NELL1: variants seen among roughly 807,000 people sequenced by gnomAD.
The protein encoded by NELL1 is neural EGFL like 1.
A neutral mutation model predicts 107.4 loss-of-function variants in NELL1; 76 were observed. The observed-to-expected ratio is 0.71, with a 90% CI of 0.59 to 0.86. The LOEUF is 0.86. Among genes scored for constraint, NELL1 ranks in the 40% least tolerant of loss-of-function variants. The pLI, the probability that NELL1 is intolerant of heterozygous loss-of-function variation, is 0.00. For missense variants in NELL1, 1,024 were observed against 1,005.5 expected (o/e 1.02, Z -0.25); for synonymous variants, 353 against 341.2 (o/e 1.03, Z -0.38).
At chr11:20,978,392 G>T (rs967073404) in intron 12 of NELL1, among the ~76,000 whole-genome samples, 2 of 151,818 alleles carry the variant, frequency 1.3e-5, no homozygotes, top group Admixed American at 1.3e-4. Flanking sequence ...ATAAATAAAT[G>T]ACATGCCTTC....
intron 13 of NELL1, among the ~76,000 whole-genome samples, chr11:21,133,164 G>A (rs1435025281): frequency 6.6e-6 from 1 of 152,114 alleles, no homozygotes; most frequent in Non-Finnish European, 1.5e-5. Context: ...CCTCAGGCAG[G>A]TCATCTTGAT....
At position 21,528,630 on chromosome 11, in the gene NELL1, T is replaced by G. The variant is rs530790344; in HGVS notation, c.1646-5744T>G. 2.7e-5 allele frequency among the ~76,000 whole-genome samples: 4 copies of G among 150,606 alleles called. No individual in the cohort carries two copies. In the East Asian group the frequency reaches 7.9e-4, roughly 30 times the overall value. ...GGATCATGAGCAAAATAAATCTTTT[T>G]TCTTCATAAATTACTCAATCTCAGG... On this transcript the variant is annotated intron_variant, in intron 15 of 19. Coordinates refer to ENST00000357134, the MANE Select transcript of NELL1 (RefSeq NM_006157.5).
intron 3 of NELL1, among the ~76,000 whole-genome samples, chr11:20,805,077 T>A (rs760233477): frequency 2.0e-5 from 3 of 152,232 alleles, no homozygotes; most frequent in Non-Finnish European, 4.4e-5. Context: ...TTATCTGATA[T>A]AACTATAGCT....
At chr11:21,524,915 A>G (rs1202567615) in intron 15 of NELL1, among the ~76,000 whole-genome samples, 1 of 152,170 alleles carries the variant, frequency 6.6e-6, no homozygotes, top group East Asian at 1.9e-4. Flanking sequence ...AGGAAAATGA[A>G]TTTGGTACAT....
intron 12 of NELL1, among the ~76,000 whole-genome samples, chr11:20,989,516 G>A (rs574694996): frequency 1.1e-4 from 17 of 152,138 alleles, no homozygotes; most frequent in Middle Eastern, 3.4e-3. Context: ...TTTCTTTTCA[G>A]GTCTTGACCT....
chr11:21,331,647 G>T (rs1455975240), intron 14 of NELL1, among the ~76,000 whole-genome samples: 1 of 151,934 alleles, frequency 6.6e-6, no homozygotes, highest in Non-Finnish European at 1.5e-5. Context: ...ACAATGCTGT[G>T]GGAAATAAAT....
chr11:20,937,644 T>G (rs1850754517), intron 9 of NELL1, 142 bp from the exon 10 acceptor site: 3 of 645,526 alleles, frequency 4.6e-6, no homozygotes, highest in Admixed American at 5.3e-5. Flanking sequence ...ACACAATTCC[T>G]TTCACTTTAG....
intron 12 of NELL1, among the ~76,000 whole-genome samples, chr11:20,963,236 T>C (rs2134218270): frequency 6.6e-6 from 1 of 152,244 alleles, no homozygotes; most frequent in Non-Finnish European, 1.5e-5. Flanking sequence ...AGAAAGTCCT[T>C]CGTAGAAAGT....
At chr11:21,209,317 T>C (rs1857450818) in intron 13 of NELL1, among the ~76,000 whole-genome samples, 1 of 78,516 alleles carries the variant, frequency 1.3e-5, no homozygotes, top group African/African-American at 3.3e-5. Context: ...AAATAAATGG[T>C]ACATATGTAT....
At chr11:20,839,594 C>T (rs1476777088) in intron 3 of NELL1, among the ~76,000 whole-genome samples, 2 of 152,208 alleles carry the variant, frequency 1.3e-5, no homozygotes, top group East Asian at 3.9e-4. Context: ...AAACGTATGT[C>T]ATTTTATTCT....
intron 12 of NELL1, among the ~76,000 whole-genome samples, chr11:21,083,462 C>T (rs142810745): frequency 7.9e-4 from 121 of 152,244 alleles, no homozygotes; most frequent in Middle Eastern, 3.4e-3. Flanking sequence ...CCTTATGGTG[C>T]CAGTGTTAAC....
intron 10 of NELL1, among the ~76,000 whole-genome samples, chr11:20,943,907 T>C (rs1047887922): frequency 1.3e-5 from 2 of 152,208 alleles, no homozygotes; most frequent in Non-Finnish European, 1.5e-5. Context: ...CTATGGCCCA[T>C]TGATTCCCTT....
chr11:21,169,897 C>A (rs1297368445), intron 13 of NELL1: 2 of 1,450,678 alleles, frequency 1.4e-6, no homozygotes, highest in Non-Finnish European at 9.6e-7. Context: ...CAGATGTCCC[C>A]AGGTCGTCCA....
intron 12 of NELL1, among the ~76,000 whole-genome samples, chr11:21,084,550 C>T (rs992494034): frequency 3.3e-5 from 5 of 152,070 alleles, no homozygotes; most frequent in Non-Finnish European, 5.9e-5. Context: ...CTCCACATTA[C>T]GATCAAGGAC....
chr11:21,101,523 T>C (rs1398893418), intron 12 of NELL1, among the ~76,000 whole-genome samples: 1 of 152,186 alleles, frequency 6.6e-6, no homozygotes, highest in Non-Finnish European at 1.5e-5. Context: ...TTTTTAATGA[T>C]CGCCATTCTA....
rs78260520 is a variant in NELL1, at chr11:20,886,560, C to A, written c.603+1020C>A. Reference sequence around the variant, plus strand: ...GAGAAAGCCAGAGGGGTATCAGTACCAGAACTTAGAGCCTTAGGTTCCTTC... The same window carrying A: ...GAGAAAGCCAGAGGGGTATCAGTACAAGAACTTAGAGCCTTAGGTTCCTTC... On this transcript the variant is annotated intron_variant, in intron 5 of 19. Coordinates refer to ENST00000357134, the MANE Select transcript of NELL1 (RefSeq NM_006157.5). Among the ~76,000 whole-genome samples, 1,317 of 152,196 alleles carry A rather than the reference C, an allele frequency of 8.7e-3. 14 individuals carry two copies. The highest frequency in any genetic ancestry group is 0.031 in the African/African-American group (1,267 of 41,512).
intron 16 of NELL1, among the ~76,000 whole-genome samples, chr11:21,540,053 A>G (rs1003886255): frequency 1.3e-5 from 2 of 151,968 alleles, no homozygotes; most frequent in African/African-American, 4.8e-5. Flanking sequence ...TATTTTTTAT[A>G]AATTCATAAT....
intron 2 of NELL1, among the ~76,000 whole-genome samples, chr11:20,760,075 C>A (rs940959502): frequency 6.6e-6 from 1 of 152,188 alleles, no homozygotes. Flanking sequence ...TCCCTTTCCT[C>A]TCCCCAGATG....
intron 14 of NELL1, among the ~76,000 whole-genome samples, chr11:21,342,414 G>C (rs12787398): frequency 0.26 from 37,950 of 146,608 alleles, 6,100 homozygotes; most frequent in Non-Finnish European, 0.34. Context: ...GCTTAAGTGG[G>C]GGGGGGGGTC....
Sources: allele counts gnomAD v4.1 joint callset (sites outside exome capture counted in the v4.1 genomes callset), GRCh38; gene constraint gnomAD v4.1.1; transcripts MANE v1.5; gene names NCBI Gene and HGNC (gene_info 2026-07-23, HGNC 2026-07-21).